ZNF224: variants seen among roughly 807,000 people sequenced by gnomAD.
The protein encoded by ZNF224 is bone marrow zinc finger 2.
A neutral mutation model predicts 10.5 loss-of-function variants in ZNF224; 8 were observed. The ratio of observed to expected loss-of-function variants is 0.76; its 90% CI spans 0.45 to 1.37. The LOEUF (loss-of-function observed/expected upper bound fraction) is 1.37, where lower values mean the gene tolerates loss of function less well. Ranked by LOEUF, ZNF224 falls within the 40% of genes most tolerant of loss-of-function variation. The pLI, the probability that ZNF224 is intolerant of heterozygous loss-of-function variation, is 0.00. For missense variants in ZNF224, 754 were observed against 854.0 expected, an observed-to-expected ratio of 0.88 and a Z score of 1.46; for synonymous variants, 282 against 287.8, an observed-to-expected ratio of 0.98 and a Z score of 0.20.
At chr19:44,096,318 T>C (rs1490438166) in intron 1 of ZNF224, 25 bp from the exon 2 acceptor site, 1 of 152,242 alleles carries the variant, frequency 6.6e-6, no homozygotes, top group Non-Finnish European at 1.5e-5. Flanking sequence ...ACATTTTTCC[T>C]GTTTGTTTTG....
chr19:44,106,781 C>T lies in ZNF224; in HGVS notation c.621C>T (p.Asp207=), dbSNP rs764894805. The T allele has an allele frequency of 3.0e-5, 48 of 1,613,538 alleles. No homozygotes were observed. Among genetic ancestry groups the T allele is most frequent in the East Asian group, 2.2e-4 (10 of 44,878 alleles). Reference sequence around the variant, plus strand: ...TGGGAGAGAAATGCTATAAGTGTGACGTGTGTGGTAAGGAATTCAGTCAGA... The same window carrying T: ...TGGGAGAGAAATGCTATAAGTGTGATGTGTGTGGTAAGGAATTCAGTCAGA... ...VHMGEKCYKC[D]VCGKEFSQSS... is the part of the protein sequence containing the mutation. The change falls in exon 6 of 6, where the codon GAC becomes GAT. Residue 207 remains aspartate, a synonymous_variant. Coordinates refer to ENST00000693561, the MANE Select transcript of ZNF224 (RefSeq NM_001321645.3).
chr19:44,106,207 T>C (rs867166557), intron 5 of ZNF224, 189 bp from the exon 6 acceptor site: 1 of 619,560 alleles, frequency 1.6e-6, no homozygotes, highest in Non-Finnish European at 2.8e-6. Flanking sequence ...CTATCAAGTA[T>C]TTTACATATG....
Position 44,100,814 on chromosome 19 carries a change from TC to T in ZNF224, c.30del (p.Phe10LeufsTer27), listed in dbSNP as rs777827597. On this transcript the variant is annotated frameshift_variant, in exon 4 of 6. Transcript: ENST00000693561. LOFTEE classifies it high-confidence loss of function. ...TTGATGCTATAGGAGGCAATGACCT[TC>T]AAGGACGTGGCTGTGGTCTTCACTG... MTTFKEAMT[F>X]KDVAVVFTEE... The T allele has an allele frequency of 4.3e-6, 7 of 1,613,916 alleles. No homozygotes were observed. The highest frequency in any genetic ancestry group is 1.6e-4 in the Middle Eastern group (1 of 6,062).
Position 44,094,363 on chromosome 19 carries a change from A to C in ZNF224, c.-325A>C, listed in dbSNP as rs1223065352. 1 of 152,086 alleles carries C rather than the reference A, an allele frequency of 6.6e-6. No individual in the cohort carries two copies. Among genetic ancestry groups the C allele is most frequent in the Non-Finnish European group, 1.5e-5 (1 of 68,072 alleles). 9.4% of individuals were successfully genotyped at this position (152,086 alleles called of 1,614,324 possible). On this transcript the variant is annotated 5_prime_UTR_variant, in exon 1 of 6. Coordinates refer to ENST00000693561, the MANE Select transcript of ZNF224 (RefSeq NM_001321645.3). ...GAAGTGGAGTCCAAACATTCGGTGG[A>C]GTCGCGGACACTTCCGCTCGGGGAC...
At chr19:44,095,909 C>T (rs1280738249) in intron 1 of ZNF224, 1 of 127,738 alleles carries the variant, frequency 7.8e-6, no homozygotes, top group East Asian at 2.1e-4. Context: ...GGCGACAGTG[C>T]GAGACTCCGT....
At chr19:44,102,823 T>A (rs1967576537) in intron 5 of ZNF224, among the ~76,000 whole-genome samples, 1 of 152,196 alleles carries the variant, frequency 6.6e-6, no homozygotes, top group Non-Finnish European at 1.5e-5. Flanking sequence ...GGGGAAAAAA[T>A]TCTCCATTTT....
intron 3 of ZNF224, among the ~76,000 whole-genome samples, chr19:44,098,892 T>C (rs1967494896): frequency 6.6e-6 from 1 of 152,208 alleles, no homozygotes. Flanking sequence ...CCTAAATTTT[T>C]TGTGCATGAT....
rs1188627264 is a variant in ZNF224, at chr19:44,108,841, T to C, written c.*557T>C. ...TCCAAAAAGGGAAGCCTGCAAAAAA[T>C]AATTCTGGGAAACATGAGTTGAAAT... is the stretch of plus-strand genomic sequence containing the variant. On this transcript the variant is annotated 3_prime_UTR_variant, in exon 6 of 6. Transcript: ENST00000693561. The C allele has an allele frequency of 1.3e-5, 5 of 398,686 alleles. No homozygotes were observed. In the East Asian group the frequency reaches 3.1e-4, roughly 25 times the overall value. 24.7% of individuals were successfully genotyped at this position (398,686 alleles called of 1,614,324 possible).
At chr19:44,102,457 G>A (rs868022518) in intron 5 of ZNF224, among the ~76,000 whole-genome samples, 1 of 152,160 alleles carries the variant, frequency 6.6e-6, no homozygotes, top group South Asian at 2.1e-4. Flanking sequence ...TTGTTAACCT[G>A]ATATATGAGC....
At chr19:44,102,426 A>G (rs1967568544) in intron 5 of ZNF224, among the ~76,000 whole-genome samples, 1 of 152,218 alleles carries the variant, frequency 6.6e-6, no homozygotes, top group Non-Finnish European at 1.5e-5. Flanking sequence ...TGGTCCTGGT[A>G]CATGGCAGGT....
At chr19:44,102,974 G>C (rs561363832) in intron 5 of ZNF224, among the ~76,000 whole-genome samples, 1 of 152,288 alleles carries the variant, frequency 6.6e-6, no homozygotes, top group Admixed American at 6.5e-5. Flanking sequence ...GGAAGAATGA[G>C]GAAGAGAGCA....
intron 1 of ZNF224, chr19:44,095,769 C>G (rs911350237): frequency 6.6e-6 from 1 of 151,768 alleles, no homozygotes; most frequent in Non-Finnish European, 1.5e-5. Flanking sequence ...AAAATAATTA[C>G]AAAAATTAGC....
At chr19:44,104,184 C>T (rs1967600640) in intron 5 of ZNF224, among the ~76,000 whole-genome samples, 1 of 152,132 alleles carries the variant, frequency 6.6e-6, no homozygotes, top group Non-Finnish European at 1.5e-5. Context: ...CTGTTTCTTA[C>T]CTATCTCAGT....
chr19:44,100,437 TCAAA>T (rs1206620796), intron 3 of ZNF224, among the ~76,000 whole-genome samples: 4 of 152,184 alleles, frequency 2.6e-5, no homozygotes, highest in Admixed American at 2.6e-4. Context: ...ATGGGCATTA[TCAAA>T]CAAAGTCAGG....
intron 2 of ZNF224, among the ~76,000 whole-genome samples, chr19:44,097,537 A>G (rs949589471): frequency 6.6e-6 from 1 of 152,226 alleles, no homozygotes; most frequent in African/African-American, 2.4e-5. Context: ...TCATTTAGCA[A>G]TAATGTTTCA....
Position 44,107,764 on chromosome 19 carries a change from C to G in ZNF224, c.1604C>G (p.Thr535Arg), listed in dbSNP as rs200946343. Residue 535 changes from threonine (T) to arginine (R), a missense_variant, in exon 6 of 6, where the codon ACA becomes AGA. Thr to Arg is a moderately conservative substitution (Grantham distance 71). Coordinates refer to ENST00000693561, the MANE Select transcript of ZNF224 (RefSeq NM_001321645.3). Reference sequence around the variant, plus strand: ...CTTGATATGCACCAGAAGGTCCACACAGGAGAGAGACCATACAATTGTAAG... The same window carrying G: ...CTTGATATGCACCAGAAGGTCCACAGAGGAGAGAGACCATACAATTGTAAG... The part of the protein sequence containing the change: ...FNLDMHQKVH[T>R]GERPYNCKEC... 1.9e-6 allele frequency: 3 copies of G among 1,613,202 alleles called. No individual in the cohort carries two copies. The highest frequency in any genetic ancestry group is 1.1e-5 in the South Asian group (1 of 91,052).
chr19:44,100,884 T>A lies in ZNF224; in HGVS notation c.99T>A (p.Tyr33Ter). The A allele has an allele frequency of 6.2e-7, 1 of 1,614,008 alleles. No homozygotes were observed. The highest frequency in any genetic ancestry group is 1.6e-4 in the Middle Eastern group (1 of 6,062). The stretch of plus-strand genomic sequence containing the variant: ...TGGACCTTGCTCAGAGGAAGCTGTA[T>A]CGAGATGTGATGCTGGAGAACTTCA... ...GLLDLAQRKL[Y>*]RDVMLENFRN... Residue 33 changes from tyrosine to a stop codon, truncating the protein, a stop_gained, in exon 4 of 6, where the codon TAT becomes TAA. Transcript: ENST00000693561. LOFTEE classifies it high-confidence loss of function.
In ZNF224 at chr19:44,108,579, A is replaced by C. The variant is rs1023095063; in HGVS notation, c.*295A>C. The C allele has an allele frequency of 2.2e-6, 1 of 446,512 alleles. No homozygotes were observed. Among genetic ancestry groups the C allele is most frequent in the Admixed American group, 3.0e-5 (1 of 33,154 alleles). The allele number at this position is 446,512 out of a possible 1,614,324, so 27.7% of individuals were successfully genotyped here. ...CAATAAAGCTTCATTCAGAAGTTTG[A>C]TAATTACAGCTATCATTCAGGAGAC... On this transcript the variant is annotated 3_prime_UTR_variant, in exon 6 of 6. Coordinates refer to ENST00000693561, the MANE Select transcript of ZNF224 (RefSeq NM_001321645.3).
intron 5 of ZNF224, among the ~76,000 whole-genome samples, chr19:44,104,220 A>G (rs1223686267): frequency 6.6e-6 from 1 of 151,768 alleles, no homozygotes; most frequent in African/African-American, 2.4e-5. Context: ...TCACATCTAC[A>G]GAAAAATAAA....
Sources: gnomAD v4.1 joint callset for allele counts (sites outside exome capture counted in the v4.1 genomes callset) on GRCh38, gnomAD v4.1.1 for gene constraint, MANE v1.5 for transcripts, NCBI Gene and HGNC (gene_info 2026-07-23, HGNC 2026-07-21) for gene names.